Variants in USP25 observed in about 807,000 individuals in gnomAD.
USP25 encodes the protein ubiquitin carboxyl-terminal hydrolase 25.
Under a neutral mutation model 158.5 loss-of-function variants are expected in USP25, and 85 were observed. The ratio of observed to expected loss-of-function variants is 0.54; its 90% CI spans 0.45 to 0.64. The LOEUF (loss-of-function observed/expected upper bound fraction) is 0.64. Ranked by LOEUF, USP25 falls within the 30% of genes least tolerant of loss-of-function variation. The probability of loss-of-function intolerance (pLI) is 0.00; values close to 1 mark genes in which losing one functional copy is unlikely to be tolerated. For synonymous variants in USP25, 464 were observed against 460.4 expected (o/e 1.01, Z -0.10); for missense variants, 1,242 against 1,327.3 (o/e 0.94, Z 1.00).
intron 2 of USP25, among the ~76,000 whole-genome samples, 177 bp from the exon 3 acceptor site, chr21:15,765,793 GTTTTAATTAGTAAGAAAGGTATTACTA>G (rs2034005363): frequency 6.6e-6 from 1 of 151,972 alleles, no homozygotes; most frequent in Non-Finnish European, 1.5e-5. Flanking sequence ...TGTATCAGTA[GTTTTAATTAGTAAGAAAGGTATTACTA>G]TTGATATAGT....
chr21:15,775,732 G>A (rs1219098328), intron 3 of USP25, among the ~76,000 whole-genome samples: 1 of 93,964 alleles, frequency 1.1e-5, no homozygotes, highest in East Asian at 3.2e-4. Flanking sequence ...ACAGGATAAT[G>A]GTTGCCACCC....
chr21:15,828,769 G>C (rs1458527319), intron 14 of USP25, among the ~76,000 whole-genome samples: 1 of 152,126 alleles, frequency 6.6e-6, no homozygotes, highest in Non-Finnish European at 1.5e-5. Context: ...CTCCCAAGTA[G>C]CTGGGATTAC....
At position 15,879,390 on chromosome 21, in the gene USP25, A is replaced by G. The variant is rs1341701242; in HGVS notation, c.*915A>G. On this transcript the variant is annotated 3_prime_UTR_variant, in exon 26 of 26. Coordinates refer to ENST00000400183, the MANE Select transcript of USP25 (RefSeq NM_001283041.3). Reference sequence around the variant, plus strand: ...ATAATGGAGGACAATGTTTTGCAATATATAAATCATTCTATTTTTGTAAAT... The same window carrying G: ...ATAATGGAGGACAATGTTTTGCAATGTATAAATCATTCTATTTTTGTAAAT... 1 of 152,518 alleles carries G rather than the reference A, an allele frequency of 6.6e-6. No individual in the cohort carries two copies. Among genetic ancestry groups the G allele is most frequent in the East Asian group, 1.9e-4 (1 of 5,200 alleles). The allele number at this position is 152,518 out of a possible 1,614,324, so 9.4% of individuals were successfully genotyped here. A position where few individuals can be genotyped will look rare whatever the true frequency, so the allele number is the denominator to read the frequency against.
intron 23 of USP25, among the ~76,000 whole-genome samples, 186 bp downstream of exon 23, chr21:15,870,333 A>G (rs529525897): frequency 6.6e-6 from 1 of 152,314 alleles, no homozygotes; most frequent in South Asian, 2.1e-4. Flanking sequence ...TATACCCCAC[A>G]TAAAATATAT....
At chr21:15,743,483 A>G (rs374998506) in intron 1 of USP25, among the ~76,000 whole-genome samples, 2 of 152,224 alleles carry the variant, frequency 1.3e-5, no homozygotes, top group African/African-American at 2.4e-5. Context: ...GGGGGCCCCA[A>G]AAGCTGGTAG....
At chr21:15,808,632 T>C (rs2036508361) in intron 7 of USP25, among the ~76,000 whole-genome samples, 177 bp from the exon 8 acceptor site, 1 of 152,094 alleles carries the variant, frequency 6.6e-6, no homozygotes, top group South Asian at 2.1e-4. Context: ...TCAAATATCT[T>C]ATATCCTGGT....
In USP25 at chr21:15,805,095, T is replaced by C. The variant is rs766487926; in HGVS notation, c.643-26T>C. 6.4e-6 allele frequency: 10 copies of C among 1,557,216 alleles called. No homozygotes were observed. The Admixed American group carries it at 2.0e-4, about 31-fold the overall frequency. On this transcript the variant is annotated intron_variant, in intron 6 of 25. Transcript: ENST00000400183. ...TTCTTAATCTTCAGTTAAGGTGTTT[T>C]TGTTTTTGTTTTTTTCCTTCAATAG...
chr21:15,733,435 T>C (rs1427657110), intron 1 of USP25, among the ~76,000 whole-genome samples: 1 of 152,078 alleles, frequency 6.6e-6, no homozygotes, highest in African/African-American at 2.4e-5. Flanking sequence ...ATTTAAAAAT[T>C]ATTGAGAAAC....
chr21:15,750,739 T>A (rs2032947715), intron 1 of USP25, among the ~76,000 whole-genome samples: 1 of 151,836 alleles, frequency 6.6e-6, no homozygotes, highest in Non-Finnish European at 1.5e-5. Context: ...CCCCAGTAGC[T>A]GGGACTACAG....
intron 18 of USP25, among the ~76,000 whole-genome samples, chr21:15,846,693 T>C (rs1032907040): frequency 6.6e-5 from 10 of 152,230 alleles, no homozygotes; most frequent in Non-Finnish European, 8.8e-5. Context: ...TGAAAACTTA[T>C]GCAATTCAGT....
rs2036975472 is a variant in USP25 at position 15,817,072 on chromosome 21, C to T, written c.932-1626C>T. On this transcript the variant is annotated intron_variant, in intron 9 of 25. Coordinates refer to ENST00000400183, the MANE Select transcript of USP25 (RefSeq NM_001283041.3). ...GCTGGAACTCAGGAGGCGGAGTTTG[C>T]AGTGAGCCGAGATCACACCACTGAG... Among the ~76,000 whole-genome samples the T allele has an allele frequency of 2.6e-5, 4 of 151,344 alleles. 1 individual carries two copies. The South Asian group carries it at 8.4e-4, about 32-fold the overall frequency.
At chr21:15,864,031 CTTTTTTT>C (rs369749565) in intron 20 of USP25, among the ~76,000 whole-genome samples, 3 of 85,640 alleles carry the variant, frequency 3.5e-5, no homozygotes, top group Non-Finnish European at 7.2e-5. Context: ...TGGGAGACTT[CTTTTTTT>C]TTTTTTTTTT....
rs141816451 is a variant in USP25 at position 15,755,970 on chromosome 21, G to T, written c.46-6921G>T. ...ATGACCTGGAACAAAATTCTTCCGG[G>T]CTCTGGGAGAGATGGTGGCAATTTT... On this transcript the variant is annotated intron_variant, in intron 1 of 25. Transcript: ENST00000400183. 2.3e-3 allele frequency among the ~76,000 whole-genome samples: 354 copies of T among 152,252 alleles called. 3 individuals are homozygous for T. Among genetic ancestry groups the T allele is most frequent in the African/African-American group, 8.0e-3 (333 of 41,554 alleles).
intron 5 of USP25, among the ~76,000 whole-genome samples, chr21:15,795,475 T>C (rs2035815617): frequency 6.6e-6 from 1 of 151,578 alleles, no homozygotes; most frequent in African/African-American, 2.4e-5. Flanking sequence ...GTTTTTGGAG[T>C]TCTGTCCCAT....
At chr21:15,829,308 T>C (rs572189406) in intron 14 of USP25, among the ~76,000 whole-genome samples, 6 of 152,190 alleles carry the variant, frequency 3.9e-5, no homozygotes, top group Non-Finnish European at 8.8e-5. Context: ...CTCACCCTGC[T>C]CCCACCCTCC....
chr21:15,791,701 G>A (rs1416112635), intron 5 of USP25, 37 bp downstream of exon 5: 7 of 1,563,264 alleles, frequency 4.5e-6, no homozygotes, highest in African/African-American at 1.4e-5. Flanking sequence ...TATTTGATGT[G>A]TGTGATAGCA....
intron 20 of USP25, among the ~76,000 whole-genome samples, chr21:15,864,046 T>A (rs2039547215): frequency 6.7e-6 from 1 of 149,562 alleles, no homozygotes; most frequent in South Asian, 2.1e-4. Flanking sequence ...TTTTTTTTTT[T>A]TTTTTTTAAA....
intron 4 of USP25, among the ~76,000 whole-genome samples, chr21:15,782,356 T>G (rs2035013445): frequency 6.6e-6 from 1 of 152,150 alleles, no homozygotes; most frequent in South Asian, 2.1e-4. Context: ...TTTCCTGCCT[T>G]TAGTCCAATA....
At chr21:15,741,859 A>G (rs1040612313) in intron 1 of USP25, among the ~76,000 whole-genome samples, 1 of 152,232 alleles carries the variant, frequency 6.6e-6, no homozygotes, top group Non-Finnish European at 1.5e-5. Context: ...AAAAAGGTAC[A>G]TTGCTGAAAA....
Sources: gnomAD v4.1 joint callset for allele counts (sites outside exome capture counted in the v4.1 genomes callset) on GRCh38, gnomAD v4.1.1 for gene constraint, MANE v1.5 for transcripts, NCBI Gene and HGNC (gene_info 2026-07-23, HGNC 2026-07-21) for gene names.